Variants in DIAPH2 observed in about 807,000 individuals in gnomAD.
The protein encoded by DIAPH2 is diaphanous related formin 2, also known as protein diaphanous homolog 2.
In DIAPH2, 35 loss-of-function variants were observed where a neutral mutation model predicts 92.7. That is an observed-to-expected ratio of 0.38 (90% CI 0.29 to 0.50). The LOEUF (loss-of-function observed/expected upper bound fraction) is 0.50. Among genes scored for constraint, DIAPH2 ranks in the 20% least tolerant of loss-of-function variants. DIAPH2 has a pLI of 0.94. For synonymous variants in DIAPH2, 301 were observed against 280.4 expected, an observed-to-expected ratio of 1.07 and a Z score of -0.73; for missense variants, 701 against 819.5, an observed-to-expected ratio of 0.86 and a Z score of 1.77.
At chrX:97,094,163 G>A (rs961492543) in intron 19 of DIAPH2, among the ~76,000 whole-genome samples, 1 of 111,499 alleles carries the variant, frequency 9.0e-6, no homozygotes. Flanking sequence ...ACATCTGGGT[G>A]GGAATGTCAG....
At chrX:97,223,629 T>G (rs181681465) in intron 22 of DIAPH2, among the ~76,000 whole-genome samples, 5 of 111,876 alleles carry the variant, frequency 4.5e-5, no homozygotes, top group Non-Finnish European at 9.4e-5. Context: ...TATTTTCTAA[T>G]TTTCTATATT....
intron 22 of DIAPH2, among the ~76,000 whole-genome samples, chrX:97,152,673 A>ATCCTGTGATAACAAATCCAC (rs1220832780): frequency 1.8e-5 from 2 of 111,568 alleles, no homozygotes; most frequent in African/African-American, 6.5e-5. Context: ...AACAAATCTA[A>ATCCTGTGATAACAAATCCAC]TCCTGTGATA....
At chrX:97,532,474 C>A (rs1279111282) in intron 26 of DIAPH2, among the ~76,000 whole-genome samples, 4 of 112,489 alleles carry the variant, frequency 3.6e-5, no homozygotes, top group African/African-American at 1.3e-4. Context: ...AGTGTCATCC[C>A]CAGAAGGAGG....
At position 96,792,993 on chromosome X, in the gene DIAPH2, T is replaced by C. The variant is rs910409988; in HGVS notation, c.447+34735T>C. On this transcript the variant is annotated intron_variant, in intron 4 of 26. Coordinates refer to ENST00000324765, the MANE Select transcript of DIAPH2 (RefSeq NM_006729.5). ...GAGGTGTTAGTTAAATTACTAGTAA[T>C]GCATTTGGATGCTCTGAAAAAAGTA... is the stretch of plus-strand genomic sequence containing the variant. Among the ~76,000 whole-genome samples, 26 of 111,730 alleles carry C rather than the reference T, an allele frequency of 2.3e-4. No homozygotes were observed. In the Admixed American group the frequency reaches 2.4e-3, roughly 10 times the overall value.
At chrX:97,170,611 T>C (rs1351769594) in intron 22 of DIAPH2, among the ~76,000 whole-genome samples, 3 of 111,578 alleles carry the variant, frequency 2.7e-5, no homozygotes, top group Admixed American at 9.5e-5. Context: ...AGTATTTTCT[T>C]CTAAAGCTCT....
intron 4 of DIAPH2, among the ~76,000 whole-genome samples, chrX:96,783,476 ATGG>A (rs886828408): frequency 1.5e-4 from 17 of 112,294 alleles, no homozygotes; most frequent in Non-Finnish European, 3.0e-4. Context: ...CAAACTAGAG[ATGG>A]TGGTAACAAT....
chrX:97,412,947 C>T (rs780921785), intron 25 of DIAPH2, among the ~76,000 whole-genome samples: 6 of 111,685 alleles, frequency 5.4e-5, no homozygotes, highest in African/African-American at 1.3e-4. Flanking sequence ...CAGGACCAGA[C>T]GGATTTGCAG....
chrX:97,586,391 C>CTTGGACTCCTTTT (rs2071479877), intron 26 of DIAPH2, among the ~76,000 whole-genome samples: 1 of 109,763 alleles, frequency 9.1e-6, no homozygotes, highest in African/African-American at 3.4e-5. Flanking sequence ...CCTTTTCTTT[C>CTTGGACTCCTTTT]CTACATGTCC....
chrX:96,825,458 GCCC>G (rs2064809721), intron 4 of DIAPH2, among the ~76,000 whole-genome samples: 5 of 105,102 alleles, frequency 4.8e-5, no homozygotes, highest in African/African-American at 1.4e-4. Flanking sequence ...TTTTTTATTG[GCCC>G]TGTTTATATG....
At chrX:97,515,817 T>G (rs904110748) in intron 26 of DIAPH2, among the ~76,000 whole-genome samples, 1 of 110,827 alleles carries the variant, frequency 9.0e-6, no homozygotes, top group Non-Finnish European at 1.9e-5. Flanking sequence ...TTCTGCTATT[T>G]TATCAAATGC....
intron 12 of DIAPH2, among the ~76,000 whole-genome samples, chrX:96,941,552 T>C (rs1482585161): frequency 9.0e-6 from 1 of 111,428 alleles, no homozygotes; most frequent in Non-Finnish European, 1.9e-5. Flanking sequence ...TAAGCTGTTA[T>C]AGCTATCTTG....
At chrX:96,754,615 G>A (rs1483867221) in intron 3 of DIAPH2, among the ~76,000 whole-genome samples, 1 of 111,049 alleles carries the variant, frequency 9.0e-6, no homozygotes, top group Non-Finnish European at 1.9e-5. Flanking sequence ...GACGTAGGGA[G>A]TACACTGTCA....
chrX:97,344,924 G>C (rs1436274902), intron 23 of DIAPH2, among the ~76,000 whole-genome samples: 1 of 112,087 alleles, frequency 8.9e-6, no homozygotes, highest in Non-Finnish European at 1.9e-5. Flanking sequence ...ATTGCAAATA[G>C]ATTACAAGTA....
Position 97,372,191 on chromosome X carries a change from T to C in DIAPH2, c.3010-11718T>C, listed in dbSNP as rs716892. 3.3e-3 allele frequency among the ~76,000 whole-genome samples: 366 copies of C among 112,442 alleles called. 1 individual carries two copies. Among genetic ancestry groups the C allele is most frequent in the African/African-American group, 0.011 (350 of 30,965 alleles). On this transcript the variant is annotated intron_variant, in intron 24 of 26. Transcript: ENST00000324765. ...AACTTCAGATCACATGTTTCTGCAGTTGTAAGGCAAATTTTAAAAGGCCTT... is the reference window on the plus strand; with the variant it reads ...AACTTCAGATCACATGTTTCTGCAGCTGTAAGGCAAATTTTAAAAGGCCTT...
intron 26 of DIAPH2, among the ~76,000 whole-genome samples, chrX:97,457,548 C>T (rs1358417380): frequency 8.9e-6 from 1 of 111,738 alleles, no homozygotes; most frequent in Non-Finnish European, 1.9e-5. Flanking sequence ...GCTGAGTGAT[C>T]GTTTCAGTGT....
chrX:97,005,120 C>A (rs1414597598), intron 17 of DIAPH2, among the ~76,000 whole-genome samples: 1 of 111,796 alleles, frequency 8.9e-6, no homozygotes, highest in Non-Finnish European at 1.9e-5. Context: ...ACATGTTGAA[C>A]CATCCTTGCA....
At position 96,939,584 on chromosome X, in the gene DIAPH2, A is replaced by G. The variant is rs1285438913; in HGVS notation, c.1325+202A>G. Among the ~76,000 whole-genome samples, 58 of 64,297 alleles carry G rather than the reference A, an allele frequency of 9.0e-4. 1 individual carries two copies. The highest frequency in any genetic ancestry group is 2.8e-3 in the African/African-American group (55 of 19,359). The allele number at this position is 64,297 out of a possible 115,157, so 55.8% of individuals were successfully genotyped here. A position where few individuals can be genotyped will look rare whatever the true frequency, so the allele number is the denominator to read the frequency against. ...TATATATATGTGTGTGTGTGTGTATATGTGTGTGTGTGTATATACACACAC... is the reference window on the plus strand; with the variant it reads ...TATATATATGTGTGTGTGTGTGTATGTGTGTGTGTGTGTATATACACACAC... On this transcript the variant is annotated intron_variant, in intron 12 of 26. Transcript: ENST00000324765.
At chrX:96,998,703 A>G (rs2066121603) in intron 17 of DIAPH2, among the ~76,000 whole-genome samples, 1 of 111,335 alleles carries the variant, frequency 9.0e-6, no homozygotes, top group Non-Finnish European at 1.9e-5. Context: ...CCAAAGACCC[A>G]CTAGCAAATA....
chrX:97,356,759 A>G (rs1191581153), intron 24 of DIAPH2, among the ~76,000 whole-genome samples: 2 of 111,381 alleles, frequency 1.8e-5, no homozygotes, highest in Non-Finnish European at 3.8e-5. Context: ...ATAAGGGAAG[A>G]CATGGTTTAA....
Sources: allele counts gnomAD v4.1 joint callset (sites outside exome capture counted in the v4.1 genomes callset), GRCh38; gene constraint gnomAD v4.1.1; transcripts MANE v1.5; gene names NCBI Gene and HGNC (gene_info 2026-07-23, HGNC 2026-07-21).